STRN3: variants seen among roughly 807,000 people sequenced by gnomAD.
The protein encoded by STRN3 is striatin-3.
A neutral mutation model predicts 95.6 loss-of-function variants in STRN3; 29 were observed. The ratio of observed to expected loss-of-function variants is 0.30; its 90% CI spans 0.23 to 0.41. The LOEUF (loss-of-function observed/expected upper bound fraction) is 0.41, where lower values mean the gene tolerates loss of function less well. Ranked by LOEUF, STRN3 falls within the 10% of genes least tolerant of loss-of-function variation. The pLI is 1.00. For synonymous variants in STRN3, 331 were observed against 357.6 expected, an observed-to-expected ratio of 0.93 and a Z score of 0.84; for missense variants, 890 against 972.1, an observed-to-expected ratio of 0.92 and a Z score of 1.12.
chr14:30,960,868 C>CAAAAAAAAAAAAAAAAAAAAAAAAAAA (rs56227331), intron 1 of STRN3, among the ~76,000 whole-genome samples: 1 of 47,618 alleles, frequency 2.1e-5, no homozygotes, highest in African/African-American at 8.3e-5. Context: ...GACTCCATCT[C>CAAAAAAAAAAAAAAAAAAAAAAAAAAA]AAAAAAAAAA....
chr14:31,007,187 G>A lies in STRN3; in HGVS notation c.282+18717C>T, dbSNP rs144172122. On this transcript the variant is annotated intron_variant, in intron 1 of 17. Coordinates refer to ENST00000357479, the MANE Select transcript of STRN3 (RefSeq NM_001083893.2). Reference sequence around the variant, plus strand: ...AAGGGTCCAATAAAAAGAGATTTCCGGAAGGACCGCAGCAGACATTAGTTT... The same window carrying A: ...AAGGGTCCAATAAAAAGAGATTTCCAGAAGGACCGCAGCAGACATTAGTTT... Among the ~76,000 whole-genome samples, 58 of 152,232 alleles carry A rather than the reference G, an allele frequency of 3.8e-4. 1 individual carries two copies. Among genetic ancestry groups the A allele is most frequent in the Admixed American group, 1.3e-4 (2 of 15,288 alleles).
intron 5 of STRN3, among the ~76,000 whole-genome samples, chr14:30,937,015 T>C (rs946733041): frequency 6.6e-6 from 1 of 152,092 alleles, no homozygotes; most frequent in Admixed American, 6.6e-5. Flanking sequence ...ACTAAAACAG[T>C]AAATACCAAA....
At chr14:30,900,593 A>G (rs1309868606) in intron 16 of STRN3, among the ~76,000 whole-genome samples, 1 of 151,856 alleles carries the variant, frequency 6.6e-6, no homozygotes, top group African/African-American at 2.4e-5. Context: ...TTAGCTGGAC[A>G]TGGTGGCACA....
chr14:30,966,319 C>G (rs943769107), intron 1 of STRN3, among the ~76,000 whole-genome samples: 1 of 152,164 alleles, frequency 6.6e-6, no homozygotes, highest in Non-Finnish European at 1.5e-5. Flanking sequence ...AAGTAACTTG[C>G]CTTGCTGAGA....
chr14:30,937,557 A>C (rs961682426), intron 5 of STRN3, among the ~76,000 whole-genome samples: 3 of 152,142 alleles, frequency 2.0e-5, no homozygotes, highest in African/African-American at 7.2e-5. Context: ...TGCACACACA[A>C]AAAAAGGTTT....
chr14:30,935,923 T>G lies in STRN3; in HGVS notation c.846+572A>C, dbSNP rs567570742. Among the ~76,000 whole-genome samples, 375 of 152,318 alleles carry G rather than the reference T, an allele frequency of 2.5e-3. 1 individual carries two copies. Among genetic ancestry groups the G allele is most frequent in the Middle Eastern group, 6.8e-3 (2 of 294 alleles). On this transcript the variant is annotated intron_variant, in intron 6 of 17. Transcript: ENST00000357479. ...TACCAACAACTAAACCTACCCACTT[T>G]TTTCTATGGTTGAAATGCTGTACAC...
At chr14:30,993,065 G>A (rs1211678928) in intron 1 of STRN3, among the ~76,000 whole-genome samples, 1 of 152,046 alleles carries the variant, frequency 6.6e-6, no homozygotes, top group African/African-American at 2.4e-5. Context: ...TCTACTTCAA[G>A]ACCAGCCTGG....
chr14:30,930,992 A>G (rs113024059), intron 7 of STRN3, among the ~76,000 whole-genome samples: 9 of 152,318 alleles, frequency 5.9e-5, no homozygotes, highest in African/African-American at 4.8e-5. Context: ...GAAAAATTTA[A>G]TAAGAGCCAA....
intron 1 of STRN3, among the ~76,000 whole-genome samples, chr14:30,989,403 G>GT: frequency 6.6e-6 from 1 of 152,310 alleles, no homozygotes; most frequent in South Asian, 2.1e-4. Context: ...TCCAAAGGTA[G>GT]TAGATTGGGA....
intron 1 of STRN3, among the ~76,000 whole-genome samples, chr14:30,968,245 C>G (rs1422537199): frequency 6.7e-6 from 1 of 150,238 alleles, no homozygotes; most frequent in Non-Finnish European, 1.5e-5. Flanking sequence ...GTCTAGTCCA[C>G]CAACATGAAG....
In STRN3 at chr14:31,011,675, A is replaced by C. The variant is rs190155643; in HGVS notation, c.282+14229T>G. On this transcript the variant is annotated intron_variant, in intron 1 of 17. Transcript: ENST00000357479. ...TAAAATAAAATTGCAAAACATGTTA[A>C]GTGCTAACAAGGAAATGACCAGGGA... 4.6e-5 allele frequency among the ~76,000 whole-genome samples: 7 copies of C among 152,290 alleles called. 1 individual carries two copies. The highest frequency in any genetic ancestry group is 1.2e-4 in the African/African-American group (5 of 41,558).
chr14:30,914,641 C>A (rs955898185), intron 9 of STRN3, among the ~76,000 whole-genome samples: 1 of 152,090 alleles, frequency 6.6e-6, no homozygotes, highest in Non-Finnish European at 1.5e-5. Flanking sequence ...CGTGAGCCAC[C>A]GCGCCCAGCC....
At chr14:30,919,328 A>G (rs1896822086) in intron 8 of STRN3, among the ~76,000 whole-genome samples, 1 of 151,154 alleles carries the variant, frequency 6.6e-6, no homozygotes, top group Non-Finnish European at 1.5e-5. Flanking sequence ...ATAAAGATAC[A>G]TATCTATATT....
At chr14:31,012,088 A>AG (rs1241403950) in intron 1 of STRN3, among the ~76,000 whole-genome samples, 1 of 152,256 alleles carries the variant, frequency 6.6e-6, no homozygotes, top group African/African-American at 2.4e-5. Flanking sequence ...TCTCAAAAAA[A>AG]AGAAAACAAA....
At chr14:30,943,847 A>G (rs10145545) in intron 5 of STRN3, among the ~76,000 whole-genome samples, 59,731 of 151,762 alleles carry the variant, frequency 0.39, 12,515 homozygotes, top group Non-Finnish European at 0.47. Flanking sequence ...AGAAACACAA[A>G]GTAGAATAGT....
intron 16 of STRN3, among the ~76,000 whole-genome samples, chr14:30,898,973 TG>T (rs1896232570): frequency 6.6e-6 from 1 of 152,186 alleles, no homozygotes; most frequent in Non-Finnish European, 1.5e-5. Context: ...TTCAACCTCA[TG>T]TGTAAAATGG....
At chr14:31,012,177 T>G (rs904968527) in intron 1 of STRN3, among the ~76,000 whole-genome samples, 1 of 152,256 alleles carries the variant, frequency 6.6e-6, no homozygotes, top group African/African-American at 2.4e-5. Context: ...GTCATATTGT[T>G]ACCCTTATCC....
At chr14:30,971,194 T>C (rs1267886727) in intron 1 of STRN3, among the ~76,000 whole-genome samples, 1 of 152,220 alleles carries the variant, frequency 6.6e-6, no homozygotes. Flanking sequence ...GTGGTGGTAT[T>C]GTGGTGGACC....
intron 16 of STRN3, among the ~76,000 whole-genome samples, 186 bp from the exon 17 acceptor site, chr14:30,895,934 T>G (rs1373993512): frequency 6.6e-6 from 1 of 152,216 alleles, no homozygotes; most frequent in Non-Finnish European, 1.5e-5. Flanking sequence ...TTTTAGAACA[T>G]TCACAATGTT....
Sources: allele counts gnomAD v4.1 joint callset (sites outside exome capture counted in the v4.1 genomes callset), GRCh38; gene constraint gnomAD v4.1.1; transcripts MANE v1.5; gene names NCBI Gene and HGNC (gene_info 2026-07-23, HGNC 2026-07-21).